Variants in HAPSTR1 observed in about 807,000 individuals in gnomAD.
HAPSTR1 encodes the protein HUWE1-associated protein modifying stress responses 1.
chr16:9,100,437 C>T, the HAPSTR1 span, among the ~76,000 whole-genome samples: 1 of 151,858 alleles, frequency 6.6e-6, no homozygotes, highest in Non-Finnish European at 1.5e-5. Flanking sequence ...TTTTTAAACA[C>T]CTCACGTGGC....
chr16:9,111,435 A>T, the HAPSTR1 span: 1 of 152,224 alleles, frequency 6.6e-6, no homozygotes, highest in Non-Finnish European at 1.5e-5. Flanking sequence ...CCTTTGTTCA[A>T]ACCAGCCCCT....
chr16:9,115,149 A>G, the HAPSTR1 span, among the ~76,000 whole-genome samples: 2 of 152,190 alleles, frequency 1.3e-5, no homozygotes, highest in Non-Finnish European at 2.9e-5. Context: ...AGTGGAGGCC[A>G]TGGATTTGAG....
the HAPSTR1 span, chr16:9,117,855 A>G: frequency 2.0e-5 from 3 of 152,654 alleles, no homozygotes; most frequent in African/African-American, 7.2e-5. Flanking sequence ...TGCTTAGTGC[A>G]GTTTCCATTG....
chr16:9,115,335 T>A, the HAPSTR1 span, among the ~76,000 whole-genome samples: 1 of 152,170 alleles, frequency 6.6e-6, no homozygotes, highest in Admixed American at 6.5e-5. Flanking sequence ...TTGAAAATCT[T>A]ATAAGTCCTA....
the HAPSTR1 span, chr16:9,121,518 G>C: frequency 6.6e-6 from 1 of 152,092 alleles, no homozygotes; most frequent in Admixed American, 6.6e-5. Flanking sequence ...ATATCACGTG[G>C]GTTTGAATGC....
chr16:9,092,447 G>A, the HAPSTR1 span, among the ~76,000 whole-genome samples: 3 of 152,096 alleles, frequency 2.0e-5, no homozygotes, highest in Non-Finnish European at 4.4e-5. Flanking sequence ...GCGGGAGGGA[G>A]GCCCGGGGTT....
chr16:9,118,794 A>AGTG, the HAPSTR1 span: 1 of 152,682 alleles, frequency 6.5e-6, no homozygotes, highest in African/African-American at 2.4e-5. Flanking sequence ...GTTGCTCACA[A>AGTG]GTGGCCAGAA....
the HAPSTR1 span, among the ~76,000 whole-genome samples, chr16:9,115,854 A>C: frequency 6.6e-6 from 1 of 152,072 alleles, no homozygotes; most frequent in Non-Finnish European, 1.5e-5. Context: ...ACCTGAAGAG[A>C]TCTGCCCGGC....
chr16:9,098,509 A>G, the HAPSTR1 span, among the ~76,000 whole-genome samples: 4 of 152,202 alleles, frequency 2.6e-5, no homozygotes, highest in African/African-American at 9.7e-5. Context: ...TTACATTCCT[A>G]AAGAAACAGT....
the HAPSTR1 span, chr16:9,104,588 C>T: frequency 6.6e-6 from 1 of 152,154 alleles, no homozygotes; most frequent in East Asian, 1.9e-4. Flanking sequence ...CCTGAAACCC[C>T]AATGTTGTTT....
the HAPSTR1 span, among the ~76,000 whole-genome samples, chr16:9,098,648 C>T: frequency 6.6e-6 from 1 of 152,158 alleles, no homozygotes; most frequent in Non-Finnish European, 1.5e-5. Context: ...TAGTGAGACC[C>T]TGCCTCTACC....
chr16:9,093,702 C>T, the HAPSTR1 span, among the ~76,000 whole-genome samples: 1 of 152,086 alleles, frequency 6.6e-6, no homozygotes, highest in Non-Finnish European at 1.5e-5. Context: ...ATGGTGGTTC[C>T]TTTCTGGAGT....
the HAPSTR1 span, among the ~76,000 whole-genome samples, chr16:9,101,627 A>G: frequency 6.6e-6 from 1 of 152,012 alleles, no homozygotes; most frequent in Non-Finnish European, 1.5e-5. Context: ...AGCAATAAAG[A>G]CTGTCATCTG....
At chr16:9,093,616 T>C in the HAPSTR1 span, among the ~76,000 whole-genome samples, 1 of 152,228 alleles carries the variant, frequency 6.6e-6, no homozygotes, top group Non-Finnish European at 1.5e-5. Flanking sequence ...GTGTTTTCTG[T>C]TAAAAGGATC....
chr16:9,106,696 C>CTATG, the HAPSTR1 span: 1 of 151,970 alleles, frequency 6.6e-6, no homozygotes, highest in Middle Eastern at 3.4e-3. Flanking sequence ...TTCCTGTGTC[C>CTATG]TATGGGACCT....
the HAPSTR1 span, chr16:9,121,535 T>C: frequency 6.6e-6 from 1 of 152,232 alleles, no homozygotes; most frequent in Non-Finnish European, 1.5e-5. Flanking sequence ...ATGCTGACTC[T>C]ACTACCAGGT....
At chr16:9,103,316 C>T in the HAPSTR1 span, 1 of 1,550,170 alleles carries the variant, frequency 6.5e-7, no homozygotes, top group South Asian at 1.2e-5. Context: ...GCCTGTGGAC[C>T]CATTTTTCAC....
chr16:9,117,904 CTAA>C, the HAPSTR1 span: 1 of 152,598 alleles, frequency 6.6e-6, no homozygotes, highest in East Asian at 1.9e-4. Flanking sequence ...TTTTTATCTA[CTAA>C]TAATGTGATT....
the HAPSTR1 span, among the ~76,000 whole-genome samples, chr16:9,099,507 T>C: frequency 6.6e-6 from 1 of 152,312 alleles, no homozygotes; most frequent in Middle Eastern, 3.4e-3. Context: ...CAGTTCCTTT[T>C]TTGAATAAGG....
Sources: gnomAD v4.1 joint callset for allele counts (sites outside exome capture counted in the v4.1 genomes callset) on GRCh38, gnomAD v4.1.1 for gene constraint, MANE v1.5 for transcripts, NCBI Gene and HGNC (gene_info 2026-07-23, HGNC 2026-07-21) for gene names.